The following SCUBE3 variants were observed in gnomAD, a reference collection of about 807,000 sequenced individuals.
SCUBE3 encodes signal peptide, CUB and EGF-like domain-containing protein 3.
In SCUBE3, 33 loss-of-function variants were observed where a neutral mutation model predicts 116.8. The observed-to-expected ratio is 0.28, with a 90% confidence interval of 0.21 to 0.38. The LOEUF is 0.38. Ranked by LOEUF, SCUBE3 falls within the 10% of genes least tolerant of loss-of-function variation. SCUBE3 has a pLI of 1.00. For missense variants in SCUBE3, 1,007 were observed against 1,324.8 expected, an observed-to-expected ratio of 0.76 and a Z score of 3.72; for synonymous variants, 418 against 496.9, an observed-to-expected ratio of 0.84 and a Z score of 2.11.
chr6:35,245,745 G>A lies in SCUBE3; in HGVS notation c.2600-199G>A, dbSNP rs1408527584. ...TTTATTACACTATGTGAGTGCCCAG[G>A]TATCAAGGAGGAATTGTGGAATGAG... On this transcript the variant is annotated intron_variant, in intron 19 of 21. Coordinates refer to ENST00000274938, the MANE Select transcript of SCUBE3 (RefSeq NM_152753.4). The surrounding 1 kb of genome is among the most constrained non-coding windows in gnomAD (Gnocchi z 4.2). Among the ~76,000 whole-genome samples, 5 of 152,156 alleles carry A rather than the reference G, an allele frequency of 3.3e-5. No homozygotes were observed. The highest frequency in any genetic ancestry group is 7.3e-5 in the Non-Finnish European group (5 of 68,028).
rs1450527299 is a variant in SCUBE3 at position 35,248,880 on chromosome 6, G to T, written c.*175G>T. On this transcript the variant is annotated 3_prime_UTR_variant, in exon 22 of 22. Coordinates refer to ENST00000274938, the MANE Select transcript of SCUBE3 (RefSeq NM_152753.4). ...TCTGTCTTTCTAGTTTCCTTTCCTTGTCTCTCTCTGCCTGCCTCTCTACTG... is the reference window on the plus strand; with the variant it reads ...TCTGTCTTTCTAGTTTCCTTTCCTTTTCTCTCTCTGCCTGCCTCTCTACTG... 3 of 605,596 alleles carry T rather than the reference G, an allele frequency of 5.0e-6. No homozygotes were observed. The highest frequency in any genetic ancestry group is 8.7e-6 in the Non-Finnish European group (3 of 344,518). The allele number at this position is 605,596 out of a possible 1,614,324, so 37.5% of individuals were successfully genotyped here. A position where few individuals can be genotyped will look rare whatever the true frequency, so the allele number is the denominator to read the frequency against.
chr6:35,242,380 C>A, intron 13 of SCUBE3, 60 bp downstream of exon 13: 1 of 1,234,778 alleles, frequency 8.1e-7, no homozygotes, highest in Non-Finnish European at 1.2e-6. Flanking sequence ...CCTTACCCCT[C>A]AGCTCCTCTG....
In SCUBE3 at chr6:35,248,659, A is replaced by G; in HGVS notation, c.2936A>G (p.Lys979Arg). 3 of 1,614,090 alleles carry G rather than the reference A, an allele frequency of 1.9e-6. No individual in the cohort carries two copies. The African/African-American group carries it at 4.0e-5, about 22-fold the overall frequency. ...GAGATGCTGCCAAAATCCTTCATCA[A>G]GCTGCTCCGCTCCAAAGTTTCCAGC... ...HKEMLPKSFI[K>R]LLRSKVSSFL... Residue 979 changes from lysine (K) to arginine (R), a missense_variant, in exon 22 of 22, where the codon AAG becomes AGG. Transcript: ENST00000274938.
chr6:35,244,079 C>T lies in SCUBE3; in HGVS notation c.2188C>T (p.Leu730Phe), dbSNP rs1216119804. 6.2e-7 allele frequency: 1 copy of T among 1,613,956 alleles called. No individual in the cohort carries two copies. The highest frequency in any genetic ancestry group is 2.2e-5 in the East Asian group (1 of 44,860). ...CCTATGCTTCCCTTGTGGTGGGGGC[C>T]TCACCACCAAGCATGAAGGGGCCAT... ...RTLCFPCGGG[L>F]TTKHEGAISF... Residue 730 changes from leucine (L) to phenylalanine (F), a missense_variant, in exon 17 of 22, where the codon CTC (leucine) becomes TTC (phenylalanine). Transcript: ENST00000274938. This position sits in a 1 kb window ranked among gnomAD's most constrained non-coding sequence, Gnocchi z 4.3.
chr6:35,229,914 A>C (rs1468235212), intron 3 of SCUBE3, among the ~76,000 whole-genome samples: 2 of 152,230 alleles, frequency 1.3e-5, no homozygotes, highest in African/African-American at 4.8e-5. Flanking sequence ...TGATGCCCAG[A>C]AAAGCAGGCT....
rs1397055258 is a variant in SCUBE3, at chr6:35,244,408, A to T, written c.2240-242A>T. Among the ~76,000 whole-genome samples, 1 of 152,162 alleles carries T rather than the reference A, an allele frequency of 6.6e-6. No homozygotes were observed. Among genetic ancestry groups the T allele is most frequent in the Non-Finnish European group, 1.5e-5 (1 of 68,030 alleles). On this transcript the variant is annotated intron_variant, in intron 17 of 21. Transcript: ENST00000274938. This position sits in a 1 kb window ranked among gnomAD's most constrained non-coding sequence, Gnocchi z 4.3. ...CCATATCCCAAATGAGTTTCTATATAGGTTTGGCACTGTGCTCAGCGTCTG... is the reference window on the plus strand; with the variant it reads ...CCATATCCCAAATGAGTTTCTATATTGGTTTGGCACTGTGCTCAGCGTCTG...
Position 35,242,723 on chromosome 6 carries a change from G to C in SCUBE3, c.1636G>C (p.Glu546Gln), listed in dbSNP as rs1376505995. The C allele has an allele frequency of 1.2e-6, 2 of 1,614,026 alleles. No homozygotes were observed. Among genetic ancestry groups the C allele is most frequent in the Non-Finnish European group, 1.7e-6 (2 of 1,179,976 alleles). ...GRRARTPPGK[E>Q]VTRLTLELEA... ...ACGGGCCCGGACCCCTCCAGGCAAAGAGGTCACAAGGCTCACCCTGGAACT... is the reference window on the plus strand; with the variant it reads ...ACGGGCCCGGACCCCTCCAGGCAAACAGGTCACAAGGCTCACCCTGGAACT... Residue 546 changes from glutamate to glutamine, a missense_variant, in exon 14 of 22, where the codon GAG becomes CAG. Glu to Gln is a conservative substitution (Grantham distance 29). Around this residue, in one of 5 missense-constraint regions of SCUBE3, gnomAD observed 544 missense variants for 638.9 expected, o/e 0.85. Coordinates refer to ENST00000274938, the MANE Select transcript of SCUBE3 (RefSeq NM_152753.4).
chr6:35,237,567 A>T (rs1462886510), intron 6 of SCUBE3, among the ~76,000 whole-genome samples: 4 of 151,510 alleles, frequency 2.6e-5, no homozygotes, highest in Non-Finnish European at 5.9e-5. Context: ...CTTAGCTCCC[A>T]TCCCTCCCTA....
chr6:35,243,343 GC>G lies in SCUBE3; in HGVS notation c.1909+109del. 9.7e-7 allele frequency: 1 copy of G among 1,027,576 alleles called. No individual in the cohort carries two copies. The highest frequency in any genetic ancestry group is 1.5e-6 in the Non-Finnish European group (1 of 688,962). 63.7% of individuals were successfully genotyped at this position (1,027,576 alleles called of 1,614,324 possible). A position where few individuals can be genotyped will look rare whatever the true frequency, so the allele number is the denominator to read the frequency against. ...GATGCATTTCTCAAATTATGAGGCA[GC>G]CAGGATGCTCCTGCCCGCTGTCCTC... On this transcript the variant is annotated intron_variant, in intron 15 of 21. Coordinates refer to ENST00000274938, the MANE Select transcript of SCUBE3 (RefSeq NM_152753.4). The surrounding 1 kb of genome is among the most constrained non-coding windows in gnomAD (Gnocchi z 6.6).
intron 1 of SCUBE3, among the ~76,000 whole-genome samples, chr6:35,217,263 G>C (rs796332538): frequency 5.9e-5 from 6 of 101,492 alleles, no homozygotes; most frequent in Non-Finnish European, 1.2e-4. Flanking sequence ...CGGGGGGGGG[G>C]GTGTGTGCAG....
intron 6 of SCUBE3, among the ~76,000 whole-genome samples, chr6:35,237,689 AG>A (rs1783835263): frequency 6.6e-6 from 1 of 152,086 alleles, no homozygotes; most frequent in Admixed American, 6.5e-5. Flanking sequence ...GGGGCAGGGA[AG>A]TGGACTGCTT....
At position 35,243,559 on chromosome 6, in the gene SCUBE3, G is replaced by T; in HGVS notation, c.1910-35G>T. 1 of 1,540,052 alleles carries T rather than the reference G, an allele frequency of 6.5e-7. No individual in the cohort carries two copies. Among genetic ancestry groups the T allele is most frequent in the South Asian group, 1.2e-5 (1 of 82,652 alleles). On this transcript the variant is annotated intron_variant, in intron 15 of 21. Coordinates refer to ENST00000274938, the MANE Select transcript of SCUBE3 (RefSeq NM_152753.4). This position sits in a 1 kb window ranked among gnomAD's most constrained non-coding sequence, Gnocchi z 6.6. ...CCAGGCCTGGGTGGTGGGAAATGCG[G>T]GGGTGGGTGGCTAGCGCGGCCGACT... is the stretch of plus-strand genomic sequence containing the variant.
chr6:35,233,175 C>A lies in SCUBE3; in HGVS notation c.596-10C>A. On this transcript the variant is annotated splice_polypyrimidine_tract_variant and intron_variant, in intron 5 of 21. Transcript: ENST00000274938. This position sits in a 1 kb window ranked among gnomAD's most constrained non-coding sequence, Gnocchi z 5.7. ...GCAAGCTGACAGGGCCCTGTCCTCT[C>A]TGTGCACAGTGACATGCAACTATGG... 1 of 1,599,498 alleles carries A rather than the reference C, an allele frequency of 6.3e-7. No homozygotes were observed. Among genetic ancestry groups the A allele is most frequent in the Non-Finnish European group, 8.6e-7 (1 of 1,166,934 alleles).
rs956660641 is a variant in SCUBE3, at chr6:35,250,104, T to G, written c.*1399T>G. 6.6e-6 allele frequency: 1 copy of G among 152,480 alleles called. No homozygotes were observed. The highest frequency in any genetic ancestry group is 1.5e-5 in the Non-Finnish European group (1 of 68,050). The allele number at this position is 152,480 out of a possible 1,614,324, so 9.4% of individuals were successfully genotyped here. A position where few individuals can be genotyped will look rare whatever the true frequency, so the allele number is the denominator to read the frequency against. The stretch of plus-strand genomic sequence containing the variant: ...TGCCACCACTGGCCACCTAGAGCCC[T>G]TGGCTGTGGTAATCCAGGGTAATTG... On this transcript the variant is annotated 3_prime_UTR_variant, in exon 22 of 22. Transcript: ENST00000274938.
Position 35,245,545 on chromosome 6 carries a change from G to A in SCUBE3, c.2599+120G>A. The A allele has an allele frequency of 1.3e-6, 1 of 777,094 alleles. No homozygotes were observed. The highest frequency in any genetic ancestry group is 1.7e-5 in the African/African-American group (1 of 58,142). 48.1% of individuals were successfully genotyped at this position (777,094 alleles called of 1,614,324 possible). A position where few individuals can be genotyped will look rare whatever the true frequency, so the allele number is the denominator to read the frequency against. On this transcript the variant is annotated intron_variant, in intron 19 of 21. Coordinates refer to ENST00000274938, the MANE Select transcript of SCUBE3 (RefSeq NM_152753.4). The surrounding 1 kb of genome is among the most constrained non-coding windows in gnomAD (Gnocchi z 4.2). ...AGTGAAGTTAGGGATCTATGAGGGT[G>A]AAATAGTGAGAGGCCTTTAGGAAGA...
In SCUBE3 at chr6:35,243,560, G is replaced by T. The variant is rs1784181413; in HGVS notation, c.1910-34G>T. ...CAGGCCTGGGTGGTGGGAAATGCGG[G>T]GGTGGGTGGCTAGCGCGGCCGACTC... is the stretch of plus-strand genomic sequence containing the variant. On this transcript the variant is annotated intron_variant, in intron 15 of 21. Transcript: ENST00000274938. This position sits in a 1 kb window ranked among gnomAD's most constrained non-coding sequence, Gnocchi z 6.6. 6.5e-7 allele frequency: 1 copy of T among 1,541,636 alleles called. No individual in the cohort carries two copies. Among genetic ancestry groups the T allele is most frequent in the South Asian group, 1.2e-5 (1 of 82,872 alleles).
Position 35,231,096 on chromosome 6 carries a change from T to G in SCUBE3, c.335-629T>G, listed in dbSNP as rs1376988361. 6.6e-6 allele frequency among the ~76,000 whole-genome samples: 1 copy of G among 152,002 alleles called. No homozygotes were observed. Among genetic ancestry groups the G allele is most frequent in the Non-Finnish European group, 1.5e-5 (1 of 67,992 alleles). ...CGCCAAGTTGTCAGACTTTGTTTTG[T>G]TAAGCCAAAATAGGAGAAAGGCTAG... On this transcript the variant is annotated intron_variant, in intron 3 of 21. Coordinates refer to ENST00000274938, the MANE Select transcript of SCUBE3 (RefSeq NM_152753.4). This position sits in a 1 kb window ranked among gnomAD's most constrained non-coding sequence, Gnocchi z 4.2.
Position 35,241,168 on chromosome 6 carries a change from G to A in SCUBE3, c.1097G>A (p.Gly366Glu), listed in dbSNP as rs772181212. Residue 366 changes from glycine (G) to glutamate (E), a missense_variant, in exon 10 of 22, where the codon GGA becomes GAA. Transcript: ENST00000274938. This position sits in a 1 kb window ranked among gnomAD's most constrained non-coding sequence, Gnocchi z 4.1. ...GDVDECSINRGGCRFGCINTP... is the reference protein window; with the variant it reads ...GDVDECSINREGCRFGCINTP... ...GTGGATGAATGCAGCATCAACCGGG[G>A]AGGTTGCCGCTTTGGCTGCATCAAC... 3 of 1,602,428 alleles carry A rather than the reference G, an allele frequency of 1.9e-6. No homozygotes were observed. Among genetic ancestry groups the A allele is most frequent in the East Asian group, 2.2e-5 (1 of 44,496 alleles).
chr6:35,239,694 C>A lies in SCUBE3; in HGVS notation c.830-58C>A. The A allele has an allele frequency of 6.4e-7, 1 of 1,560,200 alleles. No individual in the cohort carries two copies. Among genetic ancestry groups the A allele is most frequent in the Non-Finnish European group, 8.7e-7 (1 of 1,146,402 alleles). ...TGTCAGTGAGGGAGGGATCTTTCTC[C>A]TTGTTTGTTCTCAGCCTTTGATAGT... On this transcript the variant is annotated intron_variant, in intron 7 of 21. Transcript: ENST00000274938. The surrounding 1 kb of genome is among the most constrained non-coding windows in gnomAD (Gnocchi z 4.1).
Sources: gnomAD v4.1 joint callset for allele counts (sites outside exome capture counted in the v4.1 genomes callset) on GRCh38, gnomAD v4.1.1 for gene constraint, gnomAD v4.1.1 regional missense constraint, Gnocchi (gnomAD v3.1) non-coding constraint, MANE v1.5 for transcripts, NCBI Gene and HGNC (gene_info 2026-07-23, HGNC 2026-07-21) for gene names.